The following HS3ST4 variants were observed in gnomAD, a reference collection of about 807,000 sequenced individuals.
HS3ST4 encodes heparan sulfate glucosamine 3-O-sulfotransferase 4.
HS3ST4 carries 17 observed loss-of-function variants against 29.2 expected under a neutral mutation model. The ratio of observed to expected loss-of-function variants is 0.58; its 90% confidence interval spans 0.40 to 0.87. HS3ST4 has a LOEUF of 0.87. HS3ST4 is among the 40% of genes least tolerant of loss of function. The pLI is 0.00. For missense variants in HS3ST4, 627 were observed against 634.5 expected (o/e 0.99, Z 0.13); for synonymous variants, 314 against 285.7 (o/e 1.10, Z -1.00).
chr16:26,098,632 T>C (rs1898956129), intron 1 of HS3ST4, among the ~76,000 whole-genome samples: 1 of 151,924 alleles, frequency 6.6e-6, no homozygotes, highest in African/African-American at 2.4e-5. Flanking sequence ...ATACCTAATG[T>C]AAATGACGAG....
intron 1 of HS3ST4, among the ~76,000 whole-genome samples, chr16:25,844,325 T>C (rs540387039): frequency 6.6e-6 from 1 of 152,220 alleles, no homozygotes; most frequent in Non-Finnish European, 1.5e-5. Flanking sequence ...AACTAGAAAT[T>C]TATTTTTATT....
chr16:26,047,851 G>A (rs184175173), intron 1 of HS3ST4, among the ~76,000 whole-genome samples: 156 of 152,322 alleles, frequency 1.0e-3, no homozygotes, highest in African/African-American at 3.5e-3. Flanking sequence ...CATGAGCGGT[G>A]TAACAGAGAC....
At chr16:26,082,240 A>G (rs28440915) in intron 1 of HS3ST4, among the ~76,000 whole-genome samples, 8,965 of 152,188 alleles carry the variant, frequency 0.059, 427 homozygotes, top group Admixed American at 0.16. Flanking sequence ...TCAAACCACA[A>G]CATGACTACA....
intron 1 of HS3ST4, among the ~76,000 whole-genome samples, chr16:26,079,793 T>A (rs1898704196): frequency 6.6e-6 from 1 of 152,188 alleles, no homozygotes; most frequent in African/African-American, 2.4e-5. Context: ...CCTGTCTCTG[T>A]TCTCGACTCT....
intron 1 of HS3ST4, among the ~76,000 whole-genome samples, chr16:26,121,543 A>G (rs116687227): frequency 0.022 from 3,411 of 152,304 alleles, 135 homozygotes; most frequent in African/African-American, 0.078. Context: ...GAGAGCAAAC[A>G]GGGCTTGGAT....
chr16:25,901,251 T>A (rs1376774660), intron 1 of HS3ST4, among the ~76,000 whole-genome samples: 1 of 152,174 alleles, frequency 6.6e-6, no homozygotes, highest in Non-Finnish European at 1.5e-5. Context: ...CCCAGGGCCA[T>A]GTAAAAATGT....
At chr16:26,042,164 G>T (rs563304281) in intron 1 of HS3ST4, among the ~76,000 whole-genome samples, 1 of 152,244 alleles carries the variant, frequency 6.6e-6, no homozygotes, top group East Asian at 1.9e-4. Context: ...TGCCTCCAGC[G>T]TTCTGAAACC....
intron 1 of HS3ST4, among the ~76,000 whole-genome samples, chr16:25,928,583 G>A (rs911423495): frequency 6.6e-6 from 1 of 152,146 alleles, no homozygotes; most frequent in Admixed American, 6.5e-5. Context: ...CCAAGATAGA[G>A]TACTGTCATC....
At chr16:25,977,371 G>A (rs1019702066) in intron 1 of HS3ST4, among the ~76,000 whole-genome samples, 2 of 152,106 alleles carry the variant, frequency 1.3e-5, no homozygotes, top group Non-Finnish European at 2.9e-5. Context: ...CAGTTGCACT[G>A]AAACCCTTTT....
At chr16:25,757,691 G>C (rs372730014) in intron 1 of HS3ST4, among the ~76,000 whole-genome samples, 34 of 151,748 alleles carry the variant, frequency 2.2e-4, no homozygotes, top group African/African-American at 8.2e-4. Flanking sequence ...TTTTCATCTT[G>C]TCAGGTGTCT....
chr16:25,957,918 C>T (rs963514740), intron 1 of HS3ST4, among the ~76,000 whole-genome samples: 2 of 148,578 alleles, frequency 1.3e-5, no homozygotes, highest in Non-Finnish European at 3.0e-5. Context: ...TGGGGATCAA[C>T]AGGTGCTTGT....
At position 26,136,189 on chromosome 16, in the gene HS3ST4, A is replaced by G. The variant is rs372996053; in HGVS notation, c.1312A>G (p.Met438Val). 1 of 1,613,412 alleles carries G rather than the reference A, an allele frequency of 6.2e-7. No homozygotes were observed. Among genetic ancestry groups the G allele is most frequent in the Non-Finnish European group, 8.5e-7 (1 of 1,179,706 alleles). The change falls in exon 2 of 2, where the codon ATG becomes GTG. Residue 438 changes from methionine (M) to valine (V), a missense_variant. By Grantham distance (21) the Met-to-Val change is conservative (BLOSUM62 1). This residue lies in a region of HS3ST4 where 225 missense variants were observed against 293.7 expected (regional missense o/e 0.77). Coordinates refer to ENST00000331351, the MANE Select transcript of HS3ST4 (RefSeq NM_006040.3). The part of the protein sequence containing the change: ...LRKFYKPFNL[M>V]FYQMTGQDFQ... ...GAAATTCTACAAACCCTTCAACTTG[A>G]TGTTTTACCAAATGACTGGTCAAGA...
chr16:25,885,074 G>A (rs1458478776), intron 1 of HS3ST4, among the ~76,000 whole-genome samples: 1 of 152,158 alleles, frequency 6.6e-6, no homozygotes, highest in East Asian at 1.9e-4. Context: ...AAAATGACAA[G>A]CTTAACCACT....
At chr16:25,772,677 A>G (rs139453002) in intron 1 of HS3ST4, among the ~76,000 whole-genome samples, 180 of 152,350 alleles carry the variant, frequency 1.2e-3, no homozygotes, top group African/African-American at 4.2e-3. Context: ...AAAGGCCCCC[A>G]TGTCTATAGG....
rs1567261399 is a variant in HS3ST4 at position 25,873,405 on chromosome 16, T to TCCAC, written c.734+180257_734+180258insCCCA. On this transcript the variant is annotated intron_variant, in intron 1 of 1. Transcript: ENST00000331351. Reference sequence around the variant, plus strand: ...ATCCATCCATCCATCCATCCATCCATCCATCCATCCACCCATCCATCCATT... The same window carrying TCCAC: ...ATCCATCCATCCATCCATCCATCCATCCACCCATCCATCCACCCATCCATCCATT... 4.1e-3 allele frequency among the ~76,000 whole-genome samples: 345 copies of TCCAC among 84,710 alleles called. 6 individuals carry two copies. The highest frequency in any genetic ancestry group is 9.4e-3 in the South Asian group (19 of 2,022). 55.6% of individuals were successfully genotyped at this position (84,710 alleles called of 152,430 possible).
intron 1 of HS3ST4, among the ~76,000 whole-genome samples, chr16:25,787,209 A>G (rs1284729449): frequency 6.6e-6 from 1 of 152,218 alleles, no homozygotes; most frequent in Non-Finnish European, 1.5e-5. Context: ...TCTCTGTTTG[A>G]AAGAAAAATG....
intron 1 of HS3ST4, among the ~76,000 whole-genome samples, chr16:26,076,393 C>T (rs1030671772): frequency 3.9e-5 from 6 of 152,108 alleles, no homozygotes; most frequent in East Asian, 3.8e-4. Flanking sequence ...GAGGTATTGG[C>T]ATTAATTGAA....
At chr16:26,122,948 G>A (rs992200892) in intron 1 of HS3ST4, among the ~76,000 whole-genome samples, 6 of 152,028 alleles carry the variant, frequency 3.9e-5, no homozygotes, top group Non-Finnish European at 8.8e-5. Flanking sequence ...CAGCTACTCG[G>A]GAGGCTAAGG....
intron 1 of HS3ST4, among the ~76,000 whole-genome samples, chr16:26,045,147 G>A (rs138215945): frequency 2.0e-5 from 3 of 152,102 alleles, no homozygotes; most frequent in Non-Finnish European, 4.4e-5. Context: ...CTTGCTCAGG[G>A]TCTACCGTGG....
Sources: allele counts gnomAD v4.1 joint callset (sites outside exome capture counted in the v4.1 genomes callset), GRCh38; gene constraint gnomAD v4.1.1; regional missense constraint gnomAD v4.1.1; transcripts MANE v1.5; gene names NCBI Gene and HGNC (gene_info 2026-07-23, HGNC 2026-07-21).